Variants in CCAR2 observed in about 807,000 individuals in gnomAD.
CCAR2 encodes cell cycle and apoptosis regulator 2.
In CCAR2, 21 loss-of-function variants were observed where a neutral mutation model predicts 108.1. The ratio of observed to expected loss-of-function variants is 0.19; its 90% CI spans 0.14 to 0.28. The LOEUF (loss-of-function observed/expected upper bound fraction) is 0.28. CCAR2 is among the 10% of genes least tolerant of loss of function. CCAR2 has a pLI of 1.00. For synonymous variants in CCAR2, 577 were observed against 472.8 expected (o/e 1.22, Z -2.86); for missense variants, 1,126 against 1,177.0 (o/e 0.96, Z 0.63).
In CCAR2 at chr8:22,607,246, C is replaced by G. The variant is rs149792679; in HGVS notation, c.408C>G (p.Gly136=). The G allele has an allele frequency of 6.2e-7, 1 of 1,614,022 alleles. No individual in the cohort carries two copies. Among genetic ancestry groups the G allele is most frequent in the Non-Finnish European group, 8.5e-7 (1 of 1,180,008 alleles). Residue 136 remains glycine, a synonymous_variant, in exon 6 of 21, where the codon GGC becomes GGG. Transcript: ENST00000308511. ...APPLLHVAAL[G]QKQGILGAQP... is the part of the protein sequence containing the mutation. ...CTCTTCTGCATGTAGCAGCCCTGGG[C>G]CAGAAGCAAGGGATCCTGGGAGCTC...
At chr8:22,614,716 C>T (rs1801428028) in intron 10 of CCAR2, 122 bp from the exon 11 acceptor site, 1 of 1,356,252 alleles carries the variant, frequency 7.4e-7, no homozygotes. Flanking sequence ...ATAGAGACCT[C>T]ACTGTGTGGT....
intron 7 of CCAR2, among the ~76,000 whole-genome samples, chr8:22,611,388 A>ATGTGTGTGTGTGTGTGTGTGTGTGTGTG (rs145362940): frequency 7.8e-6 from 1 of 128,474 alleles, no homozygotes; most frequent in Admixed American, 8.3e-5. Context: ...AAGTATATAT[A>ATGTGTGTGTGTGTGTGTGTGTGTGTGTG]TGTGTGTGTG....
chr8:22,621,441 G>C (rs1383722842), downstream of CCAR2: 2 of 1,613,582 alleles, frequency 1.2e-6, no homozygotes, highest in Non-Finnish European at 8.5e-7. Context: ...GGCCACAATG[G>C]AGAGGGCCCG....
chr8:22,615,316 A>T, intron 11 of CCAR2, 109 bp from the exon 12 acceptor site: 1 of 1,321,790 alleles, frequency 7.6e-7, no homozygotes, highest in Non-Finnish European at 1.0e-6. Context: ...CTTGGTTCGC[A>T]GTGTGTGCTC....
intron 1 of CCAR2, 141 bp downstream of exon 1, chr8:22,604,983 C>T (rs759466257): frequency 6.3e-6 from 2 of 318,502 alleles, no homozygotes; most frequent in South Asian, 4.6e-5. Context: ...CAAGTCCCGT[C>T]TCCCTGGCAA....
intron 7 of CCAR2, among the ~76,000 whole-genome samples, chr8:22,610,952 T>C (rs1301319347): frequency 6.6e-6 from 1 of 152,228 alleles, no homozygotes; most frequent in Non-Finnish European, 1.5e-5. Context: ...CCATATCTAT[T>C]GCACTTATAA....
rs868103682 is a variant in CCAR2, at chr8:22,619,572, C to G, written c.2728-66C>G. On this transcript the variant is annotated intron_variant, in intron 20 of 20. Transcript: ENST00000308511. Reference sequence around the variant, plus strand: ...GGGAGCTTCCCAGCAGGAGGCAGTCCGCAGTCCGCAGTCCTCAGATCACCT... The same window carrying G: ...GGGAGCTTCCCAGCAGGAGGCAGTCGGCAGTCCGCAGTCCTCAGATCACCT... 5,329 of 1,382,176 alleles carry G rather than the reference C, an allele frequency of 3.9e-3. 153 individuals carry two copies. The African/African-American group carries it at 0.11, about 29-fold the overall frequency. The allele number at this position is 1,382,176 out of a possible 1,614,324, so 85.6% of individuals were successfully genotyped here.
intron 14 of CCAR2, 155 bp from the exon 15 acceptor site, chr8:22,617,265 C>A: frequency 2.3e-6 from 2 of 879,620 alleles, no homozygotes; most frequent in South Asian, 3.3e-5. Context: ...CTGAATCCCA[C>A]TTAATGAAAT....
Position 22,619,747 on chromosome 8 carries a change from G to A in CCAR2, c.*65G>A. On this transcript the variant is annotated 3_prime_UTR_variant, in exon 21 of 21. Coordinates refer to ENST00000308511, the MANE Select transcript of CCAR2 (RefSeq NM_001393997.1). The stretch of plus-strand genomic sequence containing the variant: ...GGCGCCCGGCAAAGTTGGAGCCCTT[G>A]CGGTACCAGAAAGCAGCGAGAGCGA... The A allele has an allele frequency of 6.6e-7, 1 of 1,521,766 alleles. No homozygotes were observed. The highest frequency in any genetic ancestry group is 8.9e-7 in the Non-Finnish European group (1 of 1,123,834). 94.3% of individuals were successfully genotyped at this position (1,521,766 alleles called of 1,614,324 possible).
chr8:22,618,512 G>C lies in CCAR2; in HGVS notation c.2220+17G>C, dbSNP rs544389034. 1.2e-6 allele frequency: 2 copies of C among 1,614,142 alleles called. No individual in the cohort carries two copies. The highest frequency in any genetic ancestry group is 4.5e-5 in the East Asian group (2 of 44,882). On this transcript the variant is annotated intron_variant, in intron 17 of 20. Transcript: ENST00000308511. ...GCAGAGCAGGTACCTTCTTTCCTCT[G>C]CCCCAGCACATGGGCACAGGCCTGC...
At chr8:22,605,853 T>G in intron 2 of CCAR2, 22 bp downstream of exon 2, 1 of 1,610,452 alleles carries the variant, frequency 6.2e-7, no homozygotes, top group Non-Finnish European at 8.5e-7. Flanking sequence ...TCTCCCTACC[T>G]GGCCTCATCC....
chr8:22,615,956 G>A (rs1348954490), intron 13 of CCAR2, 44 bp downstream of exon 13: 3 of 1,612,732 alleles, frequency 1.9e-6, no homozygotes, highest in Non-Finnish European at 2.5e-6. Context: ...TGGGATTTGT[G>A]GGCCTGAAGC....
intron 7 of CCAR2, 27 bp from the exon 8 acceptor site, chr8:22,612,990 T>C (rs1272586483): frequency 1.9e-6 from 3 of 1,604,904 alleles, no homozygotes; most frequent in Non-Finnish European, 2.5e-6. Context: ...TGTGGTTTCT[T>C]ACTGTTGGTG....
chr8:22,621,354 AGCCCT>A, downstream of CCAR2: 3 of 1,533,356 alleles, frequency 2.0e-6, no homozygotes, highest in Non-Finnish European at 2.6e-6. Flanking sequence ...AGGAGCAGCT[AGCCCT>A]GAGAAGGGCA....
At chr8:22,611,354 C>CT (rs1222357335) in intron 7 of CCAR2, among the ~76,000 whole-genome samples, 1 of 120,424 alleles carries the variant, frequency 8.3e-6, no homozygotes. Context: ...GAGCAAGACT[C>CT]TGTCTCAAAA....
downstream of CCAR2, chr8:22,621,441 G>T: frequency 6.2e-7 from 1 of 1,613,582 alleles, no homozygotes; most frequent in South Asian, 1.1e-5. Context: ...GGCCACAATG[G>T]AGAGGGCCCG....
chr8:22,619,842 G>C lies in CCAR2; in HGVS notation c.*160G>C. The C allele has an allele frequency of 1.4e-6, 1 of 726,872 alleles. No homozygotes were observed. The highest frequency in any genetic ancestry group is 1.7e-5 in the South Asian group (1 of 59,602). The allele number at this position is 726,872 out of a possible 1,614,324, so 45.0% of individuals were successfully genotyped here. Reference sequence around the variant, plus strand: ...CTAGGGGACGGCAGGCCATCAGGCTGGGGGCTGTGCTATGTGGGATGGATG... The same window carrying C: ...CTAGGGGACGGCAGGCCATCAGGCTCGGGGCTGTGCTATGTGGGATGGATG... On this transcript the variant is annotated 3_prime_UTR_variant, in exon 21 of 21. Coordinates refer to ENST00000308511, the MANE Select transcript of CCAR2 (RefSeq NM_001393997.1).
chr8:22,615,104 C>T (rs1801446622), intron 11 of CCAR2, 103 bp downstream of exon 11: 2 of 1,376,866 alleles, frequency 1.5e-6, no homozygotes, highest in Non-Finnish European at 1.9e-6. Context: ...AGCTCTCTGC[C>T]CCCTAGTCCC....
rs201166271 is a variant in CCAR2 at position 22,617,479 on chromosome 8, C to T, written c.1905C>T (p.Pro635=). Residue 635 remains proline, a synonymous_variant, in exon 15 of 21, where the codon CCC becomes CCT. Coordinates refer to ENST00000308511, the MANE Select transcript of CCAR2 (RefSeq NM_001393997.1). Reference sequence around the variant, plus strand: ...CTGGGGGAGAGGAAGAAGAAAAACCCCGGGGCGAGGCTTCTGAGGACCTGT... The same window carrying T: ...CTGGGGGAGAGGAAGAAGAAAAACCTCGGGGCGAGGCTTCTGAGGACCTGT... The part of the protein sequence containing the change: ...LSSGGEEEEK[P]RGEASEDLCE... 6.2e-7 allele frequency: 1 copy of T among 1,604,248 alleles called. No homozygotes were observed. Among genetic ancestry groups the T allele is most frequent in the Admixed American group, 1.7e-5 (1 of 57,998 alleles).
Sources: gnomAD v4.1 joint callset for allele counts (sites outside exome capture counted in the v4.1 genomes callset) on GRCh38, gnomAD v4.1.1 for gene constraint, MANE v1.5 for transcripts, NCBI Gene and HGNC (gene_info 2026-07-23, HGNC 2026-07-21) for gene names.